The following SVIL variants were observed in gnomAD, a reference collection of about 807,000 sequenced individuals.
The protein encoded by SVIL is supervillin.
In SVIL, 101 loss-of-function variants were observed where a neutral mutation model predicts 240.4. The observed-to-expected ratio is 0.42, with a 90% CI of 0.36 to 0.50. The LOEUF is 0.50. SVIL is among the 20% of genes least tolerant of loss of function. SVIL has a pLI of 0.01. For synonymous variants in SVIL, 999 were observed against 1,100.0 expected, an observed-to-expected ratio of 0.91 and a Z score of 1.82; for missense variants, 2,512 against 2,818.7, an observed-to-expected ratio of 0.89 and a Z score of 2.46.
chr10:29,609,716 G>C (rs992616554), intron 1 of SVIL, among the ~76,000 whole-genome samples: 1 of 152,250 alleles, frequency 6.6e-6, no homozygotes, highest in Admixed American at 6.5e-5. Flanking sequence ...TCCAGCCACA[G>C]CCTCAAAGGG....
chr10:29,516,346 C>G (rs948361366), intron 16 of SVIL, among the ~76,000 whole-genome samples: 7 of 152,216 alleles, frequency 4.6e-5, no homozygotes, highest in Non-Finnish European at 1.0e-4. Context: ...GCCCTCGGCT[C>G]CAGCCTACGG....
At chr10:29,618,490 C>T (rs1445167759) in intron 1 of SVIL, among the ~76,000 whole-genome samples, 4 of 152,270 alleles carry the variant, frequency 2.6e-5, no homozygotes, top group Middle Eastern at 3.4e-3. Flanking sequence ...AGACCCCAGC[C>T]TTCCTAAGCT....
At chr10:29,469,671 C>T (rs1296952481) in intron 32 of SVIL, among the ~76,000 whole-genome samples, 1 of 152,200 alleles carries the variant, frequency 6.6e-6, no homozygotes. Flanking sequence ...CCCAAGGTCC[C>T]CACTCAGTGC....
intron 21 of SVIL, among the ~76,000 whole-genome samples, chr10:29,492,720 G>T (rs1399704540): frequency 6.6e-6 from 1 of 152,122 alleles, no homozygotes; most frequent in African/African-American, 2.4e-5. Flanking sequence ...CAATGAGAAA[G>T]CCCGCAGATC....
intron 33 of SVIL, 83 bp downstream of exon 33, chr10:29,467,659 C>T: frequency 1.3e-6 from 2 of 1,559,654 alleles, no homozygotes; most frequent in South Asian, 2.4e-5. Flanking sequence ...TACCACTATA[C>T]TCCAGCCTGG....
upstream of SVIL, among the ~76,000 whole-genome samples, chr10:29,638,342 T>C (rs1564726813): frequency 6.6e-6 from 1 of 151,902 alleles, no homozygotes; most frequent in Non-Finnish European, 1.5e-5. Flanking sequence ...GGCATGTGCC[T>C]GTAATCCCAG....
chr10:29,670,375 A>T (rs1373832575), intron 2 of SVIL, among the ~76,000 whole-genome samples: 2 of 152,250 alleles, frequency 1.3e-5, no homozygotes, highest in African/African-American at 2.4e-5. Context: ...AAAGCTTTAT[A>T]AAATAGATCA....
intron 1 of SVIL, among the ~76,000 whole-genome samples, chr10:29,622,245 G>A (rs1272379028): frequency 1.8e-5 from 1 of 56,100 alleles, no homozygotes; most frequent in Non-Finnish European, 3.3e-5. Context: ...GTGAGACTCC[G>A]TCTCAAAAAA....
Position 29,532,039 on chromosome 10 carries a change from G to T in SVIL, c.1972C>A (p.Gln658Lys), listed in dbSNP as rs1951407504. ...TTTCGTTCTGCTGAAGTTATAGGTT[G>T]GGTTCTAAATCTCTCGGAAGTTTTT... ...SRKTSERFRT[Q>K]PITSAERKES... Residue 658 changes from glutamine (Q) to lysine (K), a missense_variant, in exon 9 of 38, where the codon CAA becomes AAA. Around this residue, in one of 3 missense-constraint regions of SVIL, gnomAD observed 1,443 missense variants for 1,486.6 expected, o/e 0.97. Transcript: ENST00000355867. 6.2e-7 allele frequency: 1 copy of T among 1,614,070 alleles called. No individual in the cohort carries two copies. Among genetic ancestry groups the T allele is most frequent in the Non-Finnish European group, 8.5e-7 (1 of 1,180,034 alleles).
At chr10:29,547,352 G>A (rs1952785452) in intron 6 of SVIL, among the ~76,000 whole-genome samples, 1 of 151,988 alleles carries the variant, frequency 6.6e-6, no homozygotes, top group South Asian at 2.1e-4. Flanking sequence ...ACTACTTTGG[G>A]TTTCTTTGCC....
intron 29 of SVIL, among the ~76,000 whole-genome samples, chr10:29,476,989 A>G (rs1946265153): frequency 6.6e-6 from 1 of 151,908 alleles, no homozygotes; most frequent in South Asian, 2.1e-4. Context: ...CAGCCTCCCG[A>G]GTAGCTGGGA....
At chr10:29,535,046 T>C (rs1951642509) in intron 7 of SVIL, among the ~76,000 whole-genome samples, 1 of 152,212 alleles carries the variant, frequency 6.6e-6, no homozygotes, top group African/African-American at 2.4e-5. Flanking sequence ...TTATTTATGA[T>C]GTGCACTGTA....
chr10:29,643,407 C>A (rs1300120947), intron 3 of SVIL, among the ~76,000 whole-genome samples: 1 of 152,154 alleles, frequency 6.6e-6, no homozygotes, highest in Non-Finnish European at 1.5e-5. Flanking sequence ...CACGATGGAA[C>A]CAGACTTGGA....
At chr10:29,679,389 T>C (rs893766372) in intron 2 of SVIL, among the ~76,000 whole-genome samples, 7 of 152,216 alleles carry the variant, frequency 4.6e-5, no homozygotes, top group African/African-American at 1.7e-4. Flanking sequence ...ATTTAAGAAA[T>C]AGTGACAACT....
intron 3 of SVIL, among the ~76,000 whole-genome samples, chr10:29,649,606 A>C (rs977154083): frequency 9.8e-5 from 15 of 152,342 alleles, no homozygotes; most frequent in African/African-American, 2.9e-4. Flanking sequence ...TAGCTTCAAA[A>C]AAATTGAAGC....
intron 1 of SVIL, among the ~76,000 whole-genome samples, chr10:29,577,805 G>A (rs539109808): frequency 3.3e-5 from 5 of 151,982 alleles, no homozygotes; most frequent in Non-Finnish European, 7.4e-5. Context: ...AAGAAATTAA[G>A]AAATCAATCC....
At chr10:29,675,689 T>C (rs548036738) in intron 2 of SVIL, among the ~76,000 whole-genome samples, 5 of 152,158 alleles carry the variant, frequency 3.3e-5, no homozygotes, top group African/African-American at 1.2e-4. Flanking sequence ...AATGATTTTT[T>C]CCCCCTTATC....
At chr10:29,580,804 C>T (rs1955911759) in intron 1 of SVIL, among the ~76,000 whole-genome samples, 1 of 152,046 alleles carries the variant, frequency 6.6e-6, no homozygotes, top group South Asian at 2.1e-4. Context: ...GTAGCTGGGA[C>T]CACGCCTGGC....
intron 1 of SVIL, among the ~76,000 whole-genome samples, chr10:29,574,540 C>T (rs565548128): frequency 4.5e-4 from 68 of 152,088 alleles, no homozygotes; most frequent in Non-Finnish European, 7.2e-4. Flanking sequence ...AGACTGGAGA[C>T]GAAGGGGCCT....
Sources: gnomAD v4.1 joint callset for allele counts (sites outside exome capture counted in the v4.1 genomes callset) on GRCh38, gnomAD v4.1.1 for gene constraint, gnomAD v4.1.1 regional missense constraint, MANE v1.5 for transcripts, NCBI Gene and HGNC (gene_info 2026-07-23, HGNC 2026-07-21) for gene names.